The following TAOK3 variants were observed in gnomAD, a reference collection of about 807,000 sequenced individuals.
TAOK3 encodes the protein serine/threonine-protein kinase TAO3.
TAOK3 carries 40 observed loss-of-function variants against 120.4 expected under a neutral mutation model. The ratio of observed to expected loss-of-function variants is 0.33; its 90% CI spans 0.26 to 0.43. TAOK3 has a LOEUF of 0.43. Ranked by LOEUF, TAOK3 falls within the 20% of genes least tolerant of loss-of-function variation. The probability of loss-of-function intolerance (pLI) is 1.00; values close to 1 mark genes in which losing one functional copy is unlikely to be tolerated. For missense variants in TAOK3, 821 were observed against 1,112.1 expected, an observed-to-expected ratio of 0.74 and a Z score of 3.72; for synonymous variants, 355 against 387.5, an observed-to-expected ratio of 0.92 and a Z score of 0.99.
chr12:118,279,283 T>G (rs978190809), intron 1 of TAOK3, among the ~76,000 whole-genome samples: 1 of 152,202 alleles, frequency 6.6e-6, no homozygotes, highest in Admixed American at 6.5e-5. Flanking sequence ...GTTTTTTGCT[T>G]GTTGATTTGA....
At chr12:118,336,751 T>C (rs1366365104) in intron 1 of TAOK3, among the ~76,000 whole-genome samples, 1 of 151,952 alleles carries the variant, frequency 6.6e-6, no homozygotes, top group African/African-American at 2.4e-5. Flanking sequence ...CAACAGTAAA[T>C]TACAGCAAAA....
intron 14 of TAOK3, among the ~76,000 whole-genome samples, chr12:118,189,508 C>T (rs1036514000): frequency 1.4e-5 from 2 of 146,478 alleles, no homozygotes; most frequent in African/African-American, 5.1e-5. Flanking sequence ...TTTGCACATA[C>T]AGCATATACA....
intron 1 of TAOK3, among the ~76,000 whole-genome samples, chr12:118,338,753 C>T (rs2044471620): frequency 8.3e-6 from 1 of 120,628 alleles, no homozygotes; most frequent in Admixed American, 1.2e-4. Flanking sequence ...TGCCACTGCA[C>T]TGCAGTGTGG....
At chr12:118,298,537 G>A (rs1317457136) in intron 1 of TAOK3, among the ~76,000 whole-genome samples, 1 of 152,160 alleles carries the variant, frequency 6.6e-6, no homozygotes, top group Non-Finnish European at 1.5e-5. Context: ...AATGTTATGA[G>A]AATGGATTCT....
chr12:118,181,658 A>G (rs1272552637), intron 14 of TAOK3, 51 bp from the exon 15 acceptor site: 2 of 1,515,896 alleles, frequency 1.3e-6, no homozygotes, highest in African/African-American at 2.7e-5. Flanking sequence ...ATGGGAGACA[A>G]GCTTTCATGC....
At chr12:118,169,258 C>A (rs1352092612) in intron 17 of TAOK3, among the ~76,000 whole-genome samples, 1 of 151,176 alleles carries the variant, frequency 6.6e-6, no homozygotes, top group South Asian at 2.1e-4. Context: ...AGGTGACCCA[C>A]CTGCCTTGGC....
At chr12:118,368,503 A>ATT (rs575307243) in intron 1 of TAOK3, among the ~76,000 whole-genome samples, 1 of 137,328 alleles carries the variant, frequency 7.3e-6, no homozygotes, top group Non-Finnish European at 1.6e-5. Context: ...CGGCCTGGTT[A>ATT]TTTTTTTTTA....
At chr12:118,354,887 A>G (rs1435181227) in intron 1 of TAOK3, among the ~76,000 whole-genome samples, 1 of 151,914 alleles carries the variant, frequency 6.6e-6, no homozygotes, top group Admixed American at 6.6e-5. Flanking sequence ...AGATGTCTTT[A>G]TTAGCAGCGT....
intron 7 of TAOK3, among the ~76,000 whole-genome samples, chr12:118,236,984 C>G (rs1246375843): frequency 2.6e-5 from 4 of 151,996 alleles, no homozygotes; most frequent in African/African-American, 9.7e-5. Context: ...TGAGAGCAGG[C>G]AAAATAATCA....
At chr12:118,244,400 T>A (rs1406299669) in intron 4 of TAOK3, among the ~76,000 whole-genome samples, 4 of 152,000 alleles carry the variant, frequency 2.6e-5, no homozygotes, top group African/African-American at 4.8e-5. Flanking sequence ...TTAGCCTTTT[T>A]AAAAATAATT....
chr12:118,310,668 G>A (rs1383555248), intron 1 of TAOK3, among the ~76,000 whole-genome samples: 1 of 151,994 alleles, frequency 6.6e-6, no homozygotes, highest in Non-Finnish European at 1.5e-5. Flanking sequence ...ATATCTATTT[G>A]ATATAATTTA....
At chr12:118,152,029 G>A (rs1053349135) in intron 20 of TAOK3, among the ~76,000 whole-genome samples, 198 bp downstream of exon 20, 6 of 152,162 alleles carry the variant, frequency 3.9e-5, no homozygotes, top group African/African-American at 1.4e-4. Flanking sequence ...AGGATGTGGG[G>A]TCAGACATGC....
intron 9 of TAOK3, among the ~76,000 whole-genome samples, chr12:118,219,851 C>T (rs2039139817): frequency 2.1e-5 from 3 of 141,032 alleles, no homozygotes; most frequent in South Asian, 2.3e-4. Context: ...TGGGCTCAAG[C>T]GATCTGCCCG....
rs11068922 is a variant in TAOK3, at chr12:118,357,479, C to T, written c.-194+15169G>A. 0.012 allele frequency among the ~76,000 whole-genome samples: 1,754 copies of T among 152,274 alleles called. 171 individuals are homozygous for T. The East Asian group carries it at 0.25, about 21-fold the overall frequency. ...AGATAAGGAATATAGCCACAATAAA[C>T]TAGAGAAGGTTAAGCACGTTTTAAG... On this transcript the variant is annotated intron_variant, in intron 1 of 20. Transcript: ENST00000392533.
chr12:118,266,349 C>T (rs1157644716), intron 2 of TAOK3, among the ~76,000 whole-genome samples: 3 of 138,822 alleles, frequency 2.2e-5, no homozygotes, highest in Non-Finnish European at 3.1e-5. Context: ...TGCGCCACCA[C>T]GCCCGGCTAA....
Position 118,149,897 on chromosome 12 carries a change from G to A in TAOK3, c.*1100C>T, listed in dbSNP as rs1304641387. Reference sequence around the variant, plus strand: ...AAAAATGTTTTGTTTTGTTTTTAAAGTGCATGCAAAAGAAGTAAAGCCTTT... The same window carrying A: ...AAAAATGTTTTGTTTTGTTTTTAAAATGCATGCAAAAGAAGTAAAGCCTTT... On this transcript the variant is annotated 3_prime_UTR_variant, in exon 21 of 21. Transcript: ENST00000392533. 6.6e-6 allele frequency: 1 copy of A among 151,676 alleles called. No individual in the cohort carries two copies. Among genetic ancestry groups the A allele is most frequent in the Admixed American group, 6.6e-5 (1 of 15,212 alleles). The allele number at this position is 151,676 out of a possible 1,614,324, so 9.4% of individuals were successfully genotyped here.
intron 1 of TAOK3, chr12:118,283,781 T>C: frequency 5.0e-6 from 1 of 200,144 alleles, no homozygotes; most frequent in Non-Finnish European, 1.1e-5. Flanking sequence ...ACAGAATTTT[T>C]TATAGGAAAT....
intron 9 of TAOK3, among the ~76,000 whole-genome samples, chr12:118,226,952 A>T (rs1593224611): frequency 6.6e-6 from 1 of 152,166 alleles, no homozygotes; most frequent in Non-Finnish European, 1.5e-5. Context: ...ACGGTACAAA[A>T]TCTGATGTGA....
intron 1 of TAOK3, among the ~76,000 whole-genome samples, chr12:118,340,157 T>C (rs1366910463): frequency 6.6e-6 from 1 of 152,236 alleles, no homozygotes; most frequent in East Asian, 1.9e-4. Flanking sequence ...GACTAAGTAC[T>C]TTCCACATAT....
Sources: gnomAD v4.1 joint callset for allele counts (sites outside exome capture counted in the v4.1 genomes callset) on GRCh38, gnomAD v4.1.1 for gene constraint, MANE v1.5 for transcripts, NCBI Gene and HGNC (gene_info 2026-07-23, HGNC 2026-07-21) for gene names.